ELMO1: variants seen among roughly 807,000 people sequenced by gnomAD.
The protein encoded by ELMO1 is engulfment and cell motility 1.
A neutral mutation model predicts 98.9 loss-of-function variants in ELMO1; 26 were observed. The ratio of observed to expected loss-of-function variants is 0.26; its 90% CI spans 0.19 to 0.36. The LOEUF is 0.36. ELMO1 is among the 10% of genes least tolerant of loss of function. The pLI is 1.00. For synonymous variants in ELMO1, 346 were observed against 346.0 expected (o/e 1.00, Z 0.00); for missense variants, 627 against 935.2 (o/e 0.67, Z 4.30).
In ELMO1 at chr7:36,855,309, A is replaced by G; in HGVS notation, c.*242T>C. 1 of 542,936 alleles carries G rather than the reference A, an allele frequency of 1.8e-6. No homozygotes were observed. The highest frequency in any genetic ancestry group is 3.3e-6 in the Non-Finnish European group (1 of 301,908). 33.6% of individuals were successfully genotyped at this position (542,936 alleles called of 1,614,324 possible). A position where few individuals can be genotyped will look rare whatever the true frequency, so the allele number is the denominator to read the frequency against. ...CAGTGGGCTTTGCTCTTGTCCCACC[A>G]GTGGACTGCAGCCATGGGAAGTGAC... On this transcript the variant is annotated 3_prime_UTR_variant, in exon 22 of 22. Coordinates refer to ENST00000310758, the MANE Select transcript of ELMO1 (RefSeq NM_014800.11). The surrounding 1 kb of genome is among the most constrained non-coding windows in gnomAD (Gnocchi z 4.2).
chr7:36,937,188 A>G (rs1390507700), intron 16 of ELMO1, among the ~76,000 whole-genome samples: 1 of 152,248 alleles, frequency 6.6e-6, no homozygotes, highest in Non-Finnish European at 1.5e-5. Context: ...ACTATTTGGA[A>G]ACAGTGCCAT....
chr7:37,363,051 A>T (rs1801758506), intron 1 of ELMO1, among the ~76,000 whole-genome samples: 1 of 152,210 alleles, frequency 6.6e-6, no homozygotes, highest in Non-Finnish European at 1.5e-5. Context: ...CAAGACAGCA[A>T]ACTCTGTTGC....
intron 15 of ELMO1, among the ~76,000 whole-genome samples, chr7:37,034,021 G>A (rs938238270): frequency 6.6e-6 from 1 of 152,160 alleles, no homozygotes; most frequent in Admixed American, 6.5e-5. Context: ...TCAGATATAC[G>A]TTTAGGAGAT....
chr7:36,861,941 C>T (rs1802669045), intron 20 of ELMO1: 2 of 589,750 alleles, frequency 3.4e-6, no homozygotes, highest in Non-Finnish European at 6.1e-6. Flanking sequence ...TGTGAACTAT[C>T]TCATTTAATT....
chr7:37,181,283 C>T (rs1227315522), intron 13 of ELMO1, among the ~76,000 whole-genome samples: 2 of 152,058 alleles, frequency 1.3e-5, no homozygotes, highest in East Asian at 3.9e-4. Flanking sequence ...TCCTGAGAAC[C>T]GTCTCTGAAA....
chr7:37,213,524 C>T (rs1261559841), intron 11 of ELMO1, 67 bp from the exon 12 acceptor site: 1 of 1,459,548 alleles, frequency 6.9e-7, no homozygotes, highest in African/African-American at 1.4e-5. Context: ...AGAATTAACA[C>T]TCAAGAAGGC....
chr7:37,332,048 G>C (rs951546537), intron 2 of ELMO1, among the ~76,000 whole-genome samples: 3 of 152,186 alleles, frequency 2.0e-5, no homozygotes, highest in African/African-American at 7.2e-5. Context: ...AGCATCTCAT[G>C]ATGATGAGGC....
chr7:36,930,576 T>C (rs1785955711), intron 16 of ELMO1, among the ~76,000 whole-genome samples: 2 of 152,226 alleles, frequency 1.3e-5, no homozygotes, highest in African/African-American at 4.8e-5. Flanking sequence ...TCCAGGGGCA[T>C]TGCTCCTCAA....
chr7:37,360,740 C>T (rs964202641), intron 1 of ELMO1, among the ~76,000 whole-genome samples: 4 of 152,204 alleles, frequency 2.6e-5, no homozygotes, highest in East Asian at 1.9e-4. Flanking sequence ...AGAGAAATTG[C>T]GCTCTGCCCC....
At chr7:37,306,227 G>A (rs897258032) in intron 4 of ELMO1, among the ~76,000 whole-genome samples, 15 of 152,138 alleles carry the variant, frequency 9.9e-5, no homozygotes, top group African/African-American at 3.4e-4. Flanking sequence ...TGAAATAATA[G>A]GAGGGAGATA....
intron 16 of ELMO1, among the ~76,000 whole-genome samples, chr7:36,906,388 A>G (rs1408873094): frequency 2.0e-5 from 3 of 152,246 alleles, no homozygotes; most frequent in African/African-American, 7.2e-5. Flanking sequence ...ACACCATTTT[A>G]GTTTTCAAAT....
intron 13 of ELMO1, among the ~76,000 whole-genome samples, chr7:37,186,333 G>C (rs1173506306): frequency 6.6e-6 from 1 of 151,942 alleles, no homozygotes; most frequent in African/African-American, 2.4e-5. Flanking sequence ...CTAAATATAA[G>C]GGTGAAAATT....
chr7:36,923,557 A>T (rs1440455826), intron 16 of ELMO1, among the ~76,000 whole-genome samples: 1 of 152,192 alleles, frequency 6.6e-6, no homozygotes, highest in Non-Finnish European at 1.5e-5. Context: ...AAGACTATAG[A>T]ATTTTCTAGG....
At chr7:37,402,311 A>G (rs567097227) in intron 1 of ELMO1, among the ~76,000 whole-genome samples, 1 of 152,318 alleles carries the variant, frequency 6.6e-6, no homozygotes, top group African/African-American at 2.4e-5. Context: ...GAGAGACTCT[A>G]AATTACTGTT....
intron 16 of ELMO1, among the ~76,000 whole-genome samples, chr7:36,950,702 A>G (rs1427581150): frequency 1.3e-5 from 2 of 152,226 alleles, no homozygotes; most frequent in African/African-American, 4.8e-5. Context: ...CACACAAGAC[A>G]TTGCGCTAGA....
chr7:37,366,207 G>T (rs1017154324), intron 1 of ELMO1, among the ~76,000 whole-genome samples: 2 of 151,872 alleles, frequency 1.3e-5, no homozygotes, highest in Non-Finnish European at 2.9e-5. Flanking sequence ...AGAAACTATC[G>T]CCATATCCTT....
intron 15 of ELMO1, among the ~76,000 whole-genome samples, chr7:37,065,380 T>A (rs915062339): frequency 3.3e-5 from 5 of 152,014 alleles, no homozygotes; most frequent in African/African-American, 1.2e-4. Flanking sequence ...TCTCCTTCCA[T>A]CCCTCCATGA....
At chr7:37,058,187 A>G (rs914611835) in intron 15 of ELMO1, among the ~76,000 whole-genome samples, 2 of 152,180 alleles carry the variant, frequency 1.3e-5, no homozygotes, top group African/African-American at 4.8e-5. Context: ...CTTCGACTCT[A>G]TCAATGCTAA....
At chr7:37,041,784 C>G (rs183695335) in intron 15 of ELMO1, among the ~76,000 whole-genome samples, 1 of 152,082 alleles carries the variant, frequency 6.6e-6, no homozygotes, top group Non-Finnish European at 1.5e-5. Context: ...ACCCCCACCC[C>G]AGGAACACTG....
Sources: allele counts gnomAD v4.1 joint callset (sites outside exome capture counted in the v4.1 genomes callset), GRCh38; gene constraint gnomAD v4.1.1; non-coding constraint Gnocchi (gnomAD v3.1); transcripts MANE v1.5; gene names NCBI Gene and HGNC (gene_info 2026-07-23, HGNC 2026-07-21).